The following RPS28 variants were observed in gnomAD, a reference collection of about 807,000 sequenced individuals.
RPS28 encodes small ribosomal subunit protein eS28.
In RPS28, 2 loss-of-function variants were observed where a neutral mutation model predicts 9.4. That is an observed-to-expected ratio of 0.21 (90% CI 0.09 to 0.67). The LOEUF (loss-of-function observed/expected upper bound fraction) is 0.67, where lower values mean the gene tolerates loss of function less well. Among genes scored for constraint, RPS28 ranks in the 30% least tolerant of loss-of-function variants. RPS28 has a pLI of 0.82. For synonymous variants in RPS28, 41 were observed against 37.8 expected, an observed-to-expected ratio of 1.08 and a Z score of -0.31; for missense variants, 35 against 95.3, an observed-to-expected ratio of 0.37 and a Z score of 2.63.
rs930548649 is a variant in RPS28 at position 8,323,327 on chromosome 19, T to C, written c.*1072T>C. The C allele has an allele frequency of 1.9e-5, 3 of 157,278 alleles. No homozygotes were observed. The highest frequency in any genetic ancestry group is 7.2e-5 in the African/African-American group (3 of 41,646). 9.7% of individuals were successfully genotyped at this position (157,278 alleles called of 1,614,324 possible). ...TTTTAATAAAGTATTGAATGTCTTATGTAATTTATTGAATACTCTGCTGAA... is the reference window on the plus strand; with the variant it reads ...TTTTAATAAAGTATTGAATGTCTTACGTAATTTATTGAATACTCTGCTGAA... On this transcript the variant is annotated 3_prime_UTR_variant, in exon 4 of 4. Transcript: ENST00000600659.
Position 8,322,809 on chromosome 19 carries a change from A to G in RPS28, c.*554A>G, listed in dbSNP as rs1185001595. On this transcript the variant is annotated 3_prime_UTR_variant, in exon 4 of 4. Transcript: ENST00000600659. ...GTGACTGACGAGGAGATCTCCCCAC[A>G]GCTAGGTGTAGTGAGCCAGACGAGG... is the stretch of plus-strand genomic sequence containing the variant. 6.5e-7 allele frequency: 1 copy of G among 1,539,140 alleles called. No individual in the cohort carries two copies. Among genetic ancestry groups the G allele is most frequent in the Admixed American group, 1.7e-5 (1 of 58,536 alleles).
Position 8,322,796 on chromosome 19 carries a change from G to C in RPS28, c.*541G>C, listed in dbSNP as rs758427831. Reference sequence around the variant, plus strand: ...GCCAAAGGCTGAGGTGACTGACGAGGAGATCTCCCCACAGCTAGGTGTAGT... The same window carrying C: ...GCCAAAGGCTGAGGTGACTGACGAGCAGATCTCCCCACAGCTAGGTGTAGT... On this transcript the variant is annotated 3_prime_UTR_variant, in exon 4 of 4. Transcript: ENST00000600659. The C allele has an allele frequency of 6.9e-7, 1 of 1,442,270 alleles. No homozygotes were observed. Among genetic ancestry groups the C allele is most frequent in the Non-Finnish European group, 9.7e-7 (1 of 1,028,174 alleles). 89.3% of individuals were successfully genotyped at this position (1,442,270 alleles called of 1,614,324 possible). A position where few individuals can be genotyped will look rare whatever the true frequency, so the allele number is the denominator to read the frequency against.
Position 8,322,833 on chromosome 19 carries a change from G to A in RPS28, c.*578G>A. On this transcript the variant is annotated 3_prime_UTR_variant, in exon 4 of 4. Transcript: ENST00000600659. ...CAGCTAGGTGTAGTGAGCCAGACGA[G>A]GCAGCTTACTGAACCTGGGGGTTCT... 6.2e-7 allele frequency: 1 copy of A among 1,602,908 alleles called. No homozygotes were observed. The highest frequency in any genetic ancestry group is 8.5e-7 in the Non-Finnish European group (1 of 1,173,306).
intron 2 of RPS28, 33 bp from the exon 3 acceptor site, chr19:8,321,920 T>TA (rs1352697092): frequency 1.9e-6 from 3 of 1,610,290 alleles, no homozygotes; most frequent in Non-Finnish European, 2.5e-6. Context: ...GGCCCGCCCT[T>TA]ACTTCTTCCT....
intron 2 of RPS28, 52 bp from the exon 3 acceptor site, chr19:8,321,901 C>A (rs756754419): frequency 6.2e-7 from 1 of 1,604,426 alleles, no homozygotes. Flanking sequence ...CTCCGCGGTG[C>A]CTTTCCGCGG....
In RPS28 at chr19:8,322,444, T is replaced by A; in HGVS notation, c.*189T>A. ...ACGACTAGGGTTTCTCCAGGTTTCT[T>A]GAGTGGCTCCCAGGCGGTCACCGAT... On this transcript the variant is annotated 3_prime_UTR_variant, in exon 4 of 4. Coordinates refer to ENST00000600659, the MANE Select transcript of RPS28 (RefSeq NM_001031.5). 2 of 539,274 alleles carry A rather than the reference T, an allele frequency of 3.7e-6. No homozygotes were observed. 33.4% of individuals were successfully genotyped at this position (539,274 alleles called of 1,614,324 possible). A position where few individuals can be genotyped will look rare whatever the true frequency, so the allele number is the denominator to read the frequency against.
Position 8,322,593 on chromosome 19 carries a change from T to G in RPS28, c.*338T>G, listed in dbSNP as rs1011319295. The G allele has an allele frequency of 9.0e-6, 5 of 554,524 alleles. No individual in the cohort carries two copies. The highest frequency in any genetic ancestry group is 3.1e-5 in the East Asian group (1 of 31,846). 34.4% of individuals were successfully genotyped at this position (554,524 alleles called of 1,614,324 possible). On this transcript the variant is annotated 3_prime_UTR_variant, in exon 4 of 4. Transcript: ENST00000600659. ...AAACAAAACACAAGCGTAGTAGGAA[T>G]GTTTTATTAGCAAAGAAGTTTCAGA...
In RPS28 at chr19:8,322,996, T is replaced by C; in HGVS notation, c.*741T>C. 1 of 844,022 alleles carries C rather than the reference T, an allele frequency of 1.2e-6. No individual in the cohort carries two copies. Among genetic ancestry groups the C allele is most frequent in the Non-Finnish European group, 1.8e-6 (1 of 560,492 alleles). 52.3% of individuals were successfully genotyped at this position (844,022 alleles called of 1,614,324 possible). Reference sequence around the variant, plus strand: ...GGAAACGTGGGATTCAGCCCCAGCCTCACTTAGTGGAGGTTCTTTTACCAT... The same window carrying C: ...GGAAACGTGGGATTCAGCCCCAGCCCCACTTAGTGGAGGTTCTTTTACCAT... On this transcript the variant is annotated 3_prime_UTR_variant, in exon 4 of 4. Transcript: ENST00000600659.
Position 8,322,727 on chromosome 19 carries a change from G to C in RPS28, c.*472G>C. 1 of 765,352 alleles carries C rather than the reference G, an allele frequency of 1.3e-6. No homozygotes were observed. The highest frequency in any genetic ancestry group is 2.1e-6 in the Non-Finnish European group (1 of 470,778). The allele number at this position is 765,352 out of a possible 1,614,324, so 47.4% of individuals were successfully genotyped here. ...CCAACTGAAATTGCCTTTCTCTTCG[G>C]CCAGTGTTAGCCTCTGAGCAGGGGA... is the stretch of plus-strand genomic sequence containing the variant. On this transcript the variant is annotated 3_prime_UTR_variant, in exon 4 of 4. Transcript: ENST00000600659.
rs1372932162 is a variant in RPS28, at chr19:8,322,403, T to G, written c.*148T>G. 1 of 557,226 alleles carries G rather than the reference T, an allele frequency of 1.8e-6. No individual in the cohort carries two copies. Among genetic ancestry groups the G allele is most frequent in the Non-Finnish European group, 3.4e-6 (1 of 294,316 alleles). The allele number at this position is 557,226 out of a possible 1,614,324, so 34.5% of individuals were successfully genotyped here. A position where few individuals can be genotyped will look rare whatever the true frequency, so the allele number is the denominator to read the frequency against. On this transcript the variant is annotated 3_prime_UTR_variant, in exon 4 of 4. Coordinates refer to ENST00000600659, the MANE Select transcript of RPS28 (RefSeq NM_001031.5). ...CGTTTGTGTTTCAAGTTAACTCAGG[T>G]TCTTGTCTGGGTTATACGACTAGGG... is the stretch of plus-strand genomic sequence containing the variant.
At position 8,323,100 on chromosome 19, in the gene RPS28, C is replaced by T. The variant is rs1970352381; in HGVS notation, c.*845C>T. 1 of 480,564 alleles carries T rather than the reference C, an allele frequency of 2.1e-6. No homozygotes were observed. Among genetic ancestry groups the T allele is most frequent in the Non-Finnish European group, 3.7e-6 (1 of 270,894 alleles). 29.8% of individuals were successfully genotyped at this position (480,564 alleles called of 1,614,324 possible). A position where few individuals can be genotyped will look rare whatever the true frequency, so the allele number is the denominator to read the frequency against. ...GGCGCTTGACCTTCCTCCCACATCC[C>T]TTCCAGTGGGGTGAGTACAGGTGTT... is the stretch of plus-strand genomic sequence containing the variant. On this transcript the variant is annotated 3_prime_UTR_variant, in exon 4 of 4. Coordinates refer to ENST00000600659, the MANE Select transcript of RPS28 (RefSeq NM_001031.5).
rs915623275 is a variant in RPS28, at chr19:8,321,545, T to C, written c.15T>C (p.Arg5=). The C allele has an allele frequency of 5.7e-6, 9 of 1,588,300 alleles. No individual in the cohort carries two copies. Among genetic ancestry groups the C allele is most frequent in the East Asian group, 2.3e-5 (1 of 43,830 alleles). Residue 5 remains arginine (R), a synonymous_variant, in exon 1 of 4, where the codon CGT becomes CGC. Coordinates refer to ENST00000600659, the MANE Select transcript of RPS28 (RefSeq NM_001031.5). ...GCGCCGCCATCATGGACACCAGCCG[T>C]GTGCAGCCTATCAAGCTGGCCAGGG... MDTS[R]VQPIKLARVT...
Position 8,321,769 on chromosome 19 carries a change from C to T in RPS28, c.87+66C>T, listed in dbSNP as rs142573626. ...AACCCTGATGTGACCTCTACCCTGC[C>T]CTAACCCCTGCCAGCCGGAATCCGG... On this transcript the variant is annotated intron_variant, in intron 2 of 3. Transcript: ENST00000600659. 985 of 1,526,550 alleles carry T rather than the reference C, an allele frequency of 6.5e-4. 6 individuals carry two copies. The African/African-American group carries it at 1.0e-2, about 15-fold the overall frequency. 94.6% of individuals were successfully genotyped at this position (1,526,550 alleles called of 1,614,324 possible).
Position 8,322,800 on chromosome 19 carries a change from T to A in RPS28, c.*545T>A. 6.8e-7 allele frequency: 1 copy of A among 1,476,240 alleles called. No homozygotes were observed. Among genetic ancestry groups the A allele is most frequent in the Non-Finnish European group, 9.4e-7 (1 of 1,058,702 alleles). 91.4% of individuals were successfully genotyped at this position (1,476,240 alleles called of 1,614,324 possible). ...AAGGCTGAGGTGACTGACGAGGAGA[T>A]CTCCCCACAGCTAGGTGTAGTGAGC... is the stretch of plus-strand genomic sequence containing the variant. On this transcript the variant is annotated 3_prime_UTR_variant, in exon 4 of 4. Coordinates refer to ENST00000600659, the MANE Select transcript of RPS28 (RefSeq NM_001031.5).
chr19:8,322,942 G>C lies in RPS28; in HGVS notation c.*687G>C, dbSNP rs763622737. On this transcript the variant is annotated 3_prime_UTR_variant, in exon 4 of 4. Transcript: ENST00000600659. ...CTCGCTCTGGAGAGAGGGGAAAAGA[G>C]GGGGGCCTGCTGCAATCTCCTTGAG... 8.0e-6 allele frequency: 11 copies of C among 1,367,490 alleles called. No homozygotes were observed. In the South Asian group the frequency reaches 1.3e-4, roughly 16 times the overall value. 84.7% of individuals were successfully genotyped at this position (1,367,490 alleles called of 1,614,324 possible).
In RPS28 at chr19:8,321,527, C is replaced by G. The variant is rs188073178; in HGVS notation, c.-4C>G. ...CTCCGCCAGACCGCCGCCGCGCCGCCATCATGGACACCAGCCGTGTGCAGC... is the reference window on the plus strand; with the variant it reads ...CTCCGCCAGACCGCCGCCGCGCCGCGATCATGGACACCAGCCGTGTGCAGC... On this transcript the variant is annotated 5_prime_UTR_variant, in exon 1 of 4. Transcript: ENST00000600659. The G allele has an allele frequency of 6.3e-6, 10 of 1,585,422 alleles. No homozygotes were observed. Among genetic ancestry groups the G allele is most frequent in the Non-Finnish European group, 8.6e-6 (10 of 1,167,650 alleles).
At position 8,322,306 on chromosome 19, in the gene RPS28, G is replaced by A; in HGVS notation, c.*51G>A. On this transcript the variant is annotated 3_prime_UTR_variant, in exon 4 of 4. Coordinates refer to ENST00000600659, the MANE Select transcript of RPS28 (RefSeq NM_001031.5). Reference sequence around the variant, plus strand: ...TGTCGGGTTCGACCACTTGGCCGATGGGAATGGTCTGTCACAGTCTGCTCC... The same window carrying A: ...TGTCGGGTTCGACCACTTGGCCGATAGGAATGGTCTGTCACAGTCTGCTCC... 4 of 685,156 alleles carry A rather than the reference G, an allele frequency of 5.8e-6. No homozygotes were observed. 42.4% of individuals were successfully genotyped at this position (685,156 alleles called of 1,614,324 possible).
rs2145403797 is a variant in RPS28 at position 8,321,584 on chromosome 19, C to T, written c.39+15C>T. 1.3e-6 allele frequency: 2 copies of T among 1,573,196 alleles called. No homozygotes were observed. The highest frequency in any genetic ancestry group is 2.2e-4 in the Middle Eastern group (1 of 4,478). On this transcript the variant is annotated intron_variant, in intron 1 of 3. Coordinates refer to ENST00000600659, the MANE Select transcript of RPS28 (RefSeq NM_001031.5). ...AGCTGGCCAGGGTGAGGTGGGGGCC[C>T]GAATTTGGGGGCAGGGGGAGGGATT... is the stretch of plus-strand genomic sequence containing the variant.
At position 8,321,718 on chromosome 19, in the gene RPS28, G is replaced by A; in HGVS notation, c.87+15G>A. 1.3e-6 allele frequency: 2 copies of A among 1,556,986 alleles called. No homozygotes were observed. Among genetic ancestry groups the A allele is most frequent in the Non-Finnish European group, 1.7e-6 (2 of 1,150,110 alleles). On this transcript the variant is annotated intron_variant, in intron 2 of 3. Transcript: ENST00000600659. ...AGTGCACGCAGGTAATCGGGTGGGG[G>A]CATTTGGCCGACTGCCGGCGACCTA...
Sources: allele counts gnomAD v4.1 joint callset, GRCh38; gene constraint gnomAD v4.1.1; transcripts MANE v1.5; gene names NCBI Gene and HGNC (gene_info 2026-07-23, HGNC 2026-07-21).